Variants in RANBP2 observed in about 807,000 individuals in gnomAD.
The protein encoded by RANBP2 is RAN binding protein 2.
Under a neutral mutation model 303.6 loss-of-function variants are expected in RANBP2, and 57 were observed. The observed-to-expected ratio is 0.19, with a 90% CI of 0.15 to 0.23. The LOEUF is 0.23. Ranked by LOEUF, RANBP2 falls within the 10% of genes least tolerant of loss-of-function variation. The pLI is 1.00. For synonymous variants in RANBP2, 1,167 were observed against 1,301.5 expected (o/e 0.90, Z 2.23); for missense variants, 3,138 against 3,780.8 (o/e 0.83, Z 4.46).
chr2:108,883,105 T>C, the RANBP2 span: 1 of 152,240 alleles, frequency 6.6e-6, no homozygotes, highest in East Asian at 1.9e-4. Flanking sequence ...ATCCTCTATA[T>C]TTTGTGAGCC....
chr2:108,826,103 CTT>C, the RANBP2 span, among the ~76,000 whole-genome samples: 1 of 151,976 alleles, frequency 6.6e-6, no homozygotes, highest in Non-Finnish European at 1.5e-5. Context: ...ATTGAGTTAT[CTT>C]TTTTATTACT....
the RANBP2 span, among the ~76,000 whole-genome samples, chr2:109,487,466 C>T: frequency 6.6e-6 from 1 of 152,228 alleles, no homozygotes; most frequent in Middle Eastern, 3.2e-3. Flanking sequence ...GAATTCTGTC[C>T]TGGAAGGCGG....
chr2:109,493,766 T>C, the RANBP2 span, among the ~76,000 whole-genome samples: 1 of 151,524 alleles, frequency 6.6e-6, no homozygotes, highest in Non-Finnish European at 1.5e-5. Context: ...ACACCAAACA[T>C]GCACTGCACA....
the RANBP2 span, among the ~76,000 whole-genome samples, chr2:109,541,118 C>T: frequency 6.6e-6 from 1 of 152,298 alleles, no homozygotes; most frequent in Admixed American, 6.5e-5. Flanking sequence ...CTGGAAGTTA[C>T]ACACATCACC....
chr2:109,384,131 C>T, the RANBP2 span, among the ~76,000 whole-genome samples: 1 of 152,202 alleles, frequency 6.6e-6, no homozygotes, highest in Non-Finnish European at 1.5e-5. Context: ...AGGGCAGTGC[C>T]CTCCCCACAG....
At chr2:109,221,107 T>A in the RANBP2 span, among the ~76,000 whole-genome samples, 1 of 152,216 alleles carries the variant, frequency 6.6e-6, no homozygotes, top group Non-Finnish European at 1.5e-5. Flanking sequence ...GCTGCATGGA[T>A]GAACTTTGAA....
At chr2:108,925,243 A>G in the RANBP2 span, among the ~76,000 whole-genome samples, 1 of 152,226 alleles carries the variant, frequency 6.6e-6, no homozygotes, top group Non-Finnish European at 1.5e-5. Context: ...GTCTGTAAAC[A>G]TTGGCTGAAT....
the RANBP2 span, among the ~76,000 whole-genome samples, chr2:109,247,647 T>C: frequency 6.6e-6 from 1 of 151,602 alleles, no homozygotes; most frequent in Admixed American, 6.6e-5. Flanking sequence ...ACGGACTGGC[T>C]GCGTTAGCTC....
At chr2:109,524,024 C>A in the RANBP2 span, among the ~76,000 whole-genome samples, 3 of 152,240 alleles carry the variant, frequency 2.0e-5, no homozygotes, top group Non-Finnish European at 4.4e-5. Context: ...CACCTCCTGC[C>A]TTCCCCGAGG....
the RANBP2 span, among the ~76,000 whole-genome samples, chr2:109,197,939 G>A: frequency 1.3e-5 from 2 of 152,226 alleles, no homozygotes. Context: ...GGGCAGCCTT[G>A]GTTATTTGGC....
At chr2:108,960,137 G>C in the RANBP2 span, among the ~76,000 whole-genome samples, 2 of 152,206 alleles carry the variant, frequency 1.3e-5, no homozygotes, top group Non-Finnish European at 2.9e-5. Context: ...GTGCTAAGAG[G>C]AGCGGGGTGG....
At chr2:109,078,096 A>T in the RANBP2 span, among the ~76,000 whole-genome samples, 88 of 54,636 alleles carry the variant, frequency 1.6e-3, 5 homozygotes, top group African/African-American at 9.4e-3. Flanking sequence ...ATATATATAT[A>T]TATATATATA....
the RANBP2 span, among the ~76,000 whole-genome samples, chr2:109,006,320 A>G: frequency 6.6e-6 from 1 of 151,864 alleles, no homozygotes; most frequent in South Asian, 2.1e-4. Context: ...CAGCCTCCCA[A>G]GTAGCTGGGA....
chr2:109,394,071 G>A, the RANBP2 span, among the ~76,000 whole-genome samples: 8 of 152,232 alleles, frequency 5.3e-5, no homozygotes, highest in Middle Eastern at 3.4e-3. Flanking sequence ...ACCCTCGGAC[G>A]CAGCCACAAG....
the RANBP2 span, among the ~76,000 whole-genome samples, chr2:109,624,468 C>T: frequency 1.1e-4 from 16 of 152,332 alleles, no homozygotes; most frequent in African/African-American, 3.8e-4. Flanking sequence ...TTCAGGTTTC[C>T]ATCTACAGCC....
At chr2:108,741,322 G>A (rs975911552) in intron 7 of RANBP2, among the ~76,000 whole-genome samples, 5 of 151,100 alleles carry the variant, frequency 3.3e-5, no homozygotes, top group African/African-American at 9.7e-5. Context: ...TCAGTCTCCC[G>A]AGTAGCTGGG....
chr2:108,887,245 C>T, the RANBP2 span, among the ~76,000 whole-genome samples: 111 of 152,134 alleles, frequency 7.3e-4, no homozygotes, highest in African/African-American at 2.4e-3. Flanking sequence ...TCTACGTGTC[C>T]GTTTTTATAA....
chr2:109,495,291 C>G, the RANBP2 span, among the ~76,000 whole-genome samples: 8 of 152,154 alleles, frequency 5.3e-5, no homozygotes, highest in Non-Finnish European at 1.2e-4. Context: ...CCCAGCTACA[C>G]CAACCCTGGT....
the RANBP2 span, among the ~76,000 whole-genome samples, chr2:108,937,789 C>G: frequency 6.6e-6 from 1 of 152,006 alleles, no homozygotes; most frequent in South Asian, 2.1e-4. Context: ...GTGTATGTGG[C>G]AAACCCAGAC....
Sources: gnomAD v4.1 joint callset for allele counts (sites outside exome capture counted in the v4.1 genomes callset) on GRCh38, gnomAD v4.1.1 for gene constraint, MANE v1.5 for transcripts, NCBI Gene and HGNC (gene_info 2026-07-23, HGNC 2026-07-21) for gene names.